The following SCMH1 variants were observed in gnomAD, a reference collection of about 807,000 sequenced individuals.
SCMH1 encodes the protein Scm polycomb group protein homolog 1, also known as polycomb protein SCMH1.
A neutral mutation model predicts 70.8 loss-of-function variants in SCMH1; 37 were observed. The ratio of observed to expected loss-of-function variants is 0.52; its 90% CI spans 0.40 to 0.69. The LOEUF (loss-of-function observed/expected upper bound fraction) is 0.69, where lower values mean the gene tolerates loss of function less well. SCMH1 is among the 30% of genes least tolerant of loss of function. SCMH1 has a pLI of 0.00. For missense variants in SCMH1, 607 were observed against 827.3 expected (o/e 0.73, Z 3.27); for synonymous variants, 292 against 307.4 (o/e 0.95, Z 0.52).
chr1:41,046,677 T>C (rs904639261), intron 11 of SCMH1, 79 bp from the exon 12 acceptor site: 1 of 1,120,752 alleles, frequency 8.9e-7, no homozygotes, highest in African/African-American at 1.5e-5. Context: ...TCCAGCCCAC[T>C]GCTTGTCTCA....
intron 12 of SCMH1, chr1:41,043,074 G>A (rs1196760314): frequency 6.6e-6 from 1 of 152,104 alleles, no homozygotes; most frequent in Non-Finnish European, 1.5e-5. Context: ...CTACATAATA[G>A]CTAATAGTAT....
At chr1:41,175,042 G>C (rs1188357915) in intron 2 of SCMH1, among the ~76,000 whole-genome samples, 1 of 152,216 alleles carries the variant, frequency 6.6e-6, no homozygotes, top group East Asian at 1.9e-4. Flanking sequence ...GAGTACTTGT[G>C]ATGGTTAACT....
chr1:41,159,391 T>C (rs553005544), intron 4 of SCMH1, among the ~76,000 whole-genome samples: 1 of 152,348 alleles, frequency 6.6e-6, no homozygotes, highest in African/African-American at 2.4e-5. Context: ...ATCATTCATA[T>C]TAGCGACAAA....
chr1:41,075,230 G>A lies in SCMH1; in HGVS notation c.967C>T (p.Pro323Ser), dbSNP rs143365597. 3.4e-3 allele frequency: 5,538 copies of A among 1,614,072 alleles called. 16 individuals are homozygous for A. The highest frequency in any genetic ancestry group is 4.3e-3 in the Non-Finnish European group (5,070 of 1,179,972). Residue 323 changes from proline (P) to serine (S), a missense_variant, in exon 9 of 15, where the codon CCT becomes TCT. Coordinates refer to ENST00000337495, the Ensembl canonical transcript of SCMH1. ...CACATTTTACCTACCTTGCTGCCAGGTTTGGGACCTCTCTTCTTTGGGAAT... is the reference window on the plus strand; with the variant it reads ...CACATTTTACCTACCTTGCTGCCAGATTTGGGACCTCTCTTCTTTGGGAAT...
intron 1 of SCMH1, among the ~76,000 whole-genome samples, chr1:41,207,990 G>A (rs560873472): frequency 1.5e-3 from 189 of 126,524 alleles, no homozygotes; most frequent in Non-Finnish European, 2.6e-3. Context: ...TGTTTATTGC[G>A]GCACTATTCA....
chr1:41,200,150 G>A (rs1292183244), intron 1 of SCMH1, among the ~76,000 whole-genome samples: 1 of 152,112 alleles, frequency 6.6e-6, no homozygotes, highest in African/African-American at 2.4e-5. Context: ...TTTTACAACT[G>A]TATACATTCC....
chr1:41,166,520 C>T (rs1371748277), intron 2 of SCMH1, among the ~76,000 whole-genome samples: 6 of 152,076 alleles, frequency 3.9e-5, no homozygotes, highest in Non-Finnish European at 5.9e-5. Context: ...TAATTTCCTT[C>T]ATCAGTGTCT....
At chr1:41,205,888 G>A (rs1310971408) in intron 1 of SCMH1, among the ~76,000 whole-genome samples, 5 of 152,200 alleles carry the variant, frequency 3.3e-5, no homozygotes. Context: ...CTCCGCTGGT[G>A]ATACCCAAGC....
chr1:41,162,418 T>C (rs1431062358), intron 2 of SCMH1, among the ~76,000 whole-genome samples: 3 of 152,118 alleles, frequency 2.0e-5, no homozygotes, highest in South Asian at 2.1e-4. Flanking sequence ...CTGCCAGTCC[T>C]GCAGACTGGA....
chr1:41,167,920 T>G (rs975134321), intron 2 of SCMH1, among the ~76,000 whole-genome samples: 1 of 151,342 alleles, frequency 6.6e-6, no homozygotes, highest in African/African-American at 2.4e-5. Context: ...TTGTTTTTTT[T>G]TTTTTTTTCC....
intron 6 of SCMH1, among the ~76,000 whole-genome samples, chr1:41,138,002 C>T (rs958387950): frequency 2.6e-5 from 4 of 152,130 alleles, no homozygotes; most frequent in Non-Finnish European, 4.4e-5. Flanking sequence ...ACTATTCTAC[C>T]CTTGTCCCTT....
chr1:41,214,958 T>G (rs370808177), intron 1 of SCMH1, among the ~76,000 whole-genome samples: 2 of 152,198 alleles, frequency 1.3e-5, no homozygotes, highest in South Asian at 2.1e-4. Context: ...GTAGTTATGT[T>G]ACCTAAAACT....
chr1:41,106,502 T>A (rs1177020720), intron 8 of SCMH1, among the ~76,000 whole-genome samples: 1 of 151,806 alleles, frequency 6.6e-6, no homozygotes, highest in Non-Finnish European at 1.5e-5. Context: ...TTTTTCTTTA[T>A]AAATTACCCA....
chr1:41,106,513 G>C (rs779273620), intron 8 of SCMH1, among the ~76,000 whole-genome samples: 3 of 151,826 alleles, frequency 2.0e-5, no homozygotes, highest in Non-Finnish European at 4.4e-5. Context: ...AAATTACCCA[G>C]TCTTAGGTAT....
chr1:41,096,374 G>T (rs1441917546), intron 8 of SCMH1, among the ~76,000 whole-genome samples: 1 of 152,190 alleles, frequency 6.6e-6, no homozygotes, highest in African/African-American at 2.4e-5. Flanking sequence ...TGATTTTAAG[G>T]AAGTTACTTC....
intron 1 of SCMH1, among the ~76,000 whole-genome samples, chr1:41,193,741 G>A (rs1015741057): frequency 6.6e-6 from 1 of 152,092 alleles, no homozygotes; most frequent in Non-Finnish European, 1.5e-5. Flanking sequence ...AATGAGCTGA[G>A]GCTAGAAAAG....
intron 10 of SCMH1, among the ~76,000 whole-genome samples, chr1:41,055,958 G>A (rs1650111680): frequency 6.6e-6 from 1 of 152,120 alleles, no homozygotes; most frequent in African/African-American, 2.4e-5. Flanking sequence ...TTTGCAAGTG[G>A]AAAAAATGTT....
chr1:41,055,445 G>A (rs1350915108), intron 10 of SCMH1, among the ~76,000 whole-genome samples: 4 of 152,142 alleles, frequency 2.6e-5, no homozygotes, highest in Non-Finnish European at 5.9e-5. Flanking sequence ...TGCCTCCTGG[G>A]TTCACGCCAT....
intron 7 of SCMH1, among the ~76,000 whole-genome samples, chr1:41,115,716 C>T (rs536556653): frequency 2.0e-5 from 3 of 152,164 alleles, no homozygotes; most frequent in South Asian, 2.1e-4. Flanking sequence ...CAAAGTCTTG[C>T]GTGATTTCCG....
Sources: allele counts gnomAD v4.1 joint callset (sites outside exome capture counted in the v4.1 genomes callset), GRCh38; gene constraint gnomAD v4.1.1; transcripts MANE v1.5; gene names NCBI Gene and HGNC (gene_info 2026-07-23, HGNC 2026-07-21).